CPAMD8: variants seen among roughly 807,000 people sequenced by gnomAD.
CPAMD8 encodes C3 and PZP like alpha-2-macroglobulin domain containing 8, also known as C3 and PZP-like alpha-2-macroglobulin domain-containing protein 8.
Under a neutral mutation model 224.7 loss-of-function variants are expected in CPAMD8, and 146 were observed. That is an observed-to-expected ratio of 0.65 (90% CI 0.57 to 0.75). The LOEUF (loss-of-function observed/expected upper bound fraction) is 0.75, where lower values mean the gene tolerates loss of function less well. Ranked by LOEUF, CPAMD8 falls within the 30% of genes least tolerant of loss-of-function variation. The probability of loss-of-function intolerance (pLI) is 0.00; values close to 1 mark genes in which losing one functional copy is unlikely to be tolerated. For missense variants in CPAMD8, 2,301 were observed against 2,537.5 expected (o/e 0.91, Z 2.00); for synonymous variants, 966 against 1,044.6 (o/e 0.92, Z 1.45).
At chr19:16,976,438 T>C (rs1217763506) in intron 15 of CPAMD8, among the ~76,000 whole-genome samples, 1 of 151,950 alleles carries the variant, frequency 6.6e-6, no homozygotes, top group Non-Finnish European at 1.5e-5. Context: ...AGAGTGTGGT[T>C]GCACCCCAGC....
intron 12 of CPAMD8, among the ~76,000 whole-genome samples, chr19:16,990,688 C>T (rs964202747): frequency 1.3e-5 from 2 of 151,708 alleles, no homozygotes; most frequent in East Asian, 1.9e-4. Context: ...CATGGTGAAA[C>T]CCTGTCTCTA....
intron 41 of CPAMD8, chr19:16,895,966 T>C: frequency 1.4e-6 from 1 of 691,270 alleles, no homozygotes; most frequent in Non-Finnish European, 2.6e-6. Flanking sequence ...CGCTGGTGGG[T>C]GTTGCGTGGG....
rs1174607158 is a variant in CPAMD8 at position 17,003,823 on chromosome 19, A to G, written c.673+450T>C. Among the ~76,000 whole-genome samples, 8 of 150,750 alleles carry G rather than the reference A, an allele frequency of 5.3e-5. No individual in the cohort carries two copies. The East Asian group carries it at 1.6e-3, about 30-fold the overall frequency. On this transcript the variant is annotated intron_variant, in intron 8 of 41. Transcript: ENST00000443236. The stretch of plus-strand genomic sequence containing the variant: ...GAGTGTAGGACCATCCCCTGAAACT[A>G]TACCCAGCCATCATGAGCCCTCAGT...
chr19:16,970,952 G>A lies in CPAMD8; in HGVS notation c.2152C>T (p.Pro718Ser), dbSNP rs981682287. ...DGGLYTDEAV[P>S]AFQPHTGSLV... is the part of the protein sequence containing the mutation. ...CTCCCTGTGTGGGGCTGGAAAGCGG[G>A]GACAGCCTCATCGGTGTAGAGGCCA... The change falls in exon 18 of 42, where the codon CCC becomes TCC. Residue 718 changes from proline to serine, a missense_variant. By Grantham distance (74) the Pro-to-Ser change is moderately conservative (BLOSUM62 -1). This residue lies in a region of CPAMD8 where 1,709 missense variants were observed against 1,753.2 expected (regional missense o/e 0.97). Transcript: ENST00000443236. 22 of 1,613,916 alleles carry A rather than the reference G, an allele frequency of 1.4e-5. No homozygotes were observed. The highest frequency in any genetic ancestry group is 1.9e-5 in the Non-Finnish European group (22 of 1,179,904).
chr19:16,983,223 G>T (rs1041250059), intron 13 of CPAMD8, among the ~76,000 whole-genome samples: 2 of 152,046 alleles, frequency 1.3e-5, no homozygotes, highest in East Asian at 3.9e-4. Flanking sequence ...CCCAACATGG[G>T]GAAAGCCCAT....
At chr19:16,949,147 A>G (rs57108067) in intron 20 of CPAMD8, among the ~76,000 whole-genome samples, 3,399 of 152,098 alleles carry the variant, frequency 0.022, 122 homozygotes, top group African/African-American at 0.077. Context: ...GAGTGAAATG[A>G]CCAGCGCTCC....
intron 26 of CPAMD8, among the ~76,000 whole-genome samples, chr19:16,924,850 G>A (rs748832164): frequency 1.2e-4 from 19 of 152,294 alleles, no homozygotes; most frequent in Middle Eastern, 6.8e-3. Context: ...CTCCCAAAGT[G>A]TTGGGATTAC....
chr19:16,917,483 C>T (rs866742305), intron 27 of CPAMD8, among the ~76,000 whole-genome samples: 1 of 151,928 alleles, frequency 6.6e-6, no homozygotes, highest in Middle Eastern at 3.4e-3. Flanking sequence ...CGAGGTGGCT[C>T]ATGCCAGCAG....
chr19:16,982,789 T>C (rs1330260779), intron 13 of CPAMD8, among the ~76,000 whole-genome samples: 1 of 152,118 alleles, frequency 6.6e-6, no homozygotes, highest in Non-Finnish European at 1.5e-5. Flanking sequence ...CAGTAAGCCA[T>C]GACTGTGCCA....
rs201300952 is a variant in CPAMD8 at position 17,004,305 on chromosome 19, G to C, written c.641C>G (p.Ala214Gly). The C allele has an allele frequency of 9.2e-5, 148 of 1,610,810 alleles. No homozygotes were observed. Among genetic ancestry groups the C allele is most frequent in the Non-Finnish European group, 1.2e-4 (140 of 1,177,248 alleles). ...WFIFVEMQGH[A>G]YNKSFEVQKY... ...CTGAACTTCAAAAGACTTGTTGTAC[G>C]CGTGGCCTTGCATTTCAACAAAAAT... Residue 214 changes from alanine to glycine, a missense_variant, in exon 8 of 42, where the codon GCG becomes GGG. By Grantham distance (60) the Ala-to-Gly change is moderately conservative. This residue lies in a region of CPAMD8 where 283 missense variants were observed against 340.6 expected (regional missense o/e 0.83). Coordinates refer to ENST00000443236, the MANE Select transcript of CPAMD8 (RefSeq NM_015692.5).
At chr19:16,895,840 T>G (rs1568441748) in intron 41 of CPAMD8, 2 of 497,676 alleles carry the variant, frequency 4.0e-6, no homozygotes, top group Non-Finnish European at 7.9e-6. Flanking sequence ...TCCGAAACAC[T>G]GCTGGTCCCC....
At chr19:16,957,459 A>G (rs1248649185) in intron 19 of CPAMD8, 1 of 169,964 alleles carries the variant, frequency 5.9e-6, no homozygotes, top group East Asian at 1.6e-4. Context: ...CAGAAAGGAA[A>G]TGTGTTGAGA....
At chr19:16,953,043 T>C (rs1234615524) in intron 19 of CPAMD8, among the ~76,000 whole-genome samples, 3 of 152,008 alleles carry the variant, frequency 2.0e-5, no homozygotes, top group Non-Finnish European at 2.9e-5. Context: ...TGGAATCAAA[T>C]AGAGAGCCCA....
At position 16,903,482 on chromosome 19, in the gene CPAMD8, G is replaced by A. The variant is rs570221144; in HGVS notation, c.4470+79C>T. On this transcript the variant is annotated intron_variant, in intron 34 of 41. Transcript: ENST00000443236. ...AGTTCAGAACCCTCTGGGGGTCCCTGGGGTTCCACTGTGTGATTGGAGGGA... is the reference window on the plus strand; with the variant it reads ...AGTTCAGAACCCTCTGGGGGTCCCTAGGGTTCCACTGTGTGATTGGAGGGA... 2.0e-4 allele frequency: 325 copies of A among 1,593,940 alleles called. 4 individuals carry two copies. The South Asian group carries it at 3.4e-3, about 17-fold the overall frequency.
At chr19:16,922,988 C>T (rs183909352) in intron 26 of CPAMD8, among the ~76,000 whole-genome samples, 1 of 152,370 alleles carries the variant, frequency 6.6e-6, no homozygotes, top group African/African-American at 2.4e-5. Context: ...GTCAGCAAAA[C>T]CACCATCTTG....
chr19:16,903,545 C>T lies in CPAMD8; in HGVS notation c.4470+16G>A. The T allele has an allele frequency of 6.2e-7, 1 of 1,613,978 alleles. No individual in the cohort carries two copies. Among genetic ancestry groups the T allele is most frequent in the Non-Finnish European group, 8.5e-7 (1 of 1,179,994 alleles). On this transcript the variant is annotated intron_variant, in intron 34 of 41. Transcript: ENST00000443236. The stretch of plus-strand genomic sequence containing the variant: ...AGGACAAGCCCAAGATCACCTCGTG[C>T]TCCCCAAAACCTCACCTGCATCAGG...
chr19:16,920,631 G>A lies in CPAMD8; in HGVS notation c.3629+1274C>T, dbSNP rs542229431. 1.6e-4 allele frequency among the ~76,000 whole-genome samples: 24 copies of A among 152,218 alleles called. 1 individual carries two copies. The highest frequency in any genetic ancestry group is 5.1e-4 in the African/African-American group (21 of 41,540). On this transcript the variant is annotated intron_variant, in intron 27 of 41. Transcript: ENST00000443236. ...AGCACTTTAGGAGGCCAAGGCAGGC[G>A]GATCATCTGAGGTCAGGAGTTTGAG...
intron 27 of CPAMD8, among the ~76,000 whole-genome samples, chr19:16,920,855 C>CAAAAAAAA (rs200039066): frequency 8.4e-6 from 1 of 119,094 alleles, no homozygotes; most frequent in African/African-American, 3.9e-5. Context: ...GACTCTATCT[C>CAAAAAAAA]AAAAAAAAAA....
chr19:16,959,376 T>A (rs372531040), intron 18 of CPAMD8, among the ~76,000 whole-genome samples: 2 of 150,642 alleles, frequency 1.3e-5, no homozygotes, highest in African/African-American at 4.9e-5. Flanking sequence ...GGTTTTGTCA[T>A]GTTGACCACG....
Sources: gnomAD v4.1 joint callset for allele counts (sites outside exome capture counted in the v4.1 genomes callset) on GRCh38, gnomAD v4.1.1 for gene constraint, gnomAD v4.1.1 regional missense constraint, MANE v1.5 for transcripts, NCBI Gene and HGNC (gene_info 2026-07-23, HGNC 2026-07-21) for gene names.